SLC6A19: variants seen among roughly 807,000 people sequenced by gnomAD.
The protein encoded by SLC6A19 is solute carrier family 6 member 19, also known as sodium-dependent neutral amino acid transporter B(0)AT1.
A neutral mutation model predicts 68.3 loss-of-function variants in SLC6A19; 67 were observed. The observed-to-expected ratio is 0.98, with a 90% CI of 0.81 to 1.20. SLC6A19 has a LOEUF of 1.20. Among genes scored for constraint, SLC6A19 ranks in the 50% most tolerant of loss-of-function variants. The pLI, the probability that SLC6A19 is intolerant of heterozygous loss-of-function variation, is 0.00. For synonymous variants in SLC6A19, 392 were observed against 374.9 expected (o/e 1.05, Z -0.53); for missense variants, 813 against 851.6 (o/e 0.95, Z 0.56).
At position 1,224,601 on chromosome 5, in the gene SLC6A19, A is replaced by G. The variant is rs542196303; in HGVS notation, c.*2697A>G. On this transcript the variant is annotated 3_prime_UTR_variant, in exon 12 of 12. Coordinates refer to ENST00000304460, the MANE Select transcript of SLC6A19 (RefSeq NM_001003841.3). ...CCTCACACTTCCTCTCACTCAAATAAGAACCTTCCAAAAATGTGTCCACCT... is the reference window on the plus strand; with the variant it reads ...CCTCACACTTCCTCTCACTCAAATAGGAACCTTCCAAAAATGTGTCCACCT... The G allele has an allele frequency of 6.6e-6, 1 of 152,590 alleles. No individual in the cohort carries two copies. The highest frequency in any genetic ancestry group is 1.9e-4 in the East Asian group (1 of 5,190). 9.5% of individuals were successfully genotyped at this position (152,590 alleles called of 1,614,324 possible). A position where few individuals can be genotyped will look rare whatever the true frequency, so the allele number is the denominator to read the frequency against.
At chr5:1,210,156 C>T (rs1745981336) in intron 2 of SLC6A19, among the ~76,000 whole-genome samples, 1 of 152,248 alleles carries the variant, frequency 6.6e-6, no homozygotes, top group South Asian at 2.1e-4. Context: ...CAGGTGAGAC[C>T]CATGCCTGGG....
intron 1 of SLC6A19, among the ~76,000 whole-genome samples, chr5:1,205,148 C>A (rs551264112): frequency 3.9e-5 from 6 of 152,212 alleles, no homozygotes; most frequent in Non-Finnish European, 7.3e-5. Flanking sequence ...TTCCAGGGAC[C>A]TTTGCAACCA....
At chr5:1,203,266 C>A (rs191416497) in intron 1 of SLC6A19, among the ~76,000 whole-genome samples, 1 of 152,212 alleles carries the variant, frequency 6.6e-6, no homozygotes, top group Non-Finnish European at 1.5e-5. Flanking sequence ...GGGCAGGAAT[C>A]TGATGGGGCT....
rs1746110985 is a variant in SLC6A19 at position 1,213,486 on chromosome 5, G to T, written c.687G>T (p.Leu229=). 6.2e-7 allele frequency: 1 copy of T among 1,603,082 alleles called. No individual in the cohort carries two copies. Among genetic ancestry groups the T allele is most frequent in the African/African-American group, 1.4e-5 (1 of 71,470 alleles). The stretch of plus-strand genomic sequence containing the variant: ...AGGCCGTGTACATCACCTCCACGCT[G>T]CCCTATGTCGTCCTGACCATCTTCC... The part of the protein sequence containing the change: ...TGKAVYITST[L]PYVVLTIFLI... The change falls in exon 5 of 12, where the codon CTG becomes CTT. Residue 229 remains leucine, a synonymous_variant. Coordinates refer to ENST00000304460, the MANE Select transcript of SLC6A19 (RefSeq NM_001003841.3).
chr5:1,216,804 C>T lies in SLC6A19; in HGVS notation c.1032C>T (p.Leu344=). The change falls in exon 8 of 12, where the codon CTC becomes CTT. Residue 344 remains leucine, a synonymous_variant. Transcript: ENST00000304460. ...TGACCCGCAGGAACATCCTGACCCT[C>T]ATCAACGGGTTCGACCTGCCTGAAG... ...DDCFSTNILT[L]INGFDLPEGN... The T allele has an allele frequency of 6.2e-7, 1 of 1,613,818 alleles. No homozygotes were observed.
intron 1 of SLC6A19, among the ~76,000 whole-genome samples, chr5:1,203,131 CATCCCCACTGGGGA>C (rs1351029315): frequency 2.1e-5 from 1 of 48,772 alleles, no homozygotes; most frequent in African/African-American, 8.8e-5. Flanking sequence ...CACAGGCTCA[CATCCCCACTGGGGA>C]TGGAGGGGCA....
intron 8 of SLC6A19, among the ~76,000 whole-genome samples, chr5:1,217,166 C>T (rs535427450): frequency 2.6e-5 from 4 of 152,250 alleles, no homozygotes; most frequent in Non-Finnish European, 4.4e-5. Context: ...CTCCTGTTAA[C>T]GCAGAGGCGT....
At chr5:1,211,257 G>A (rs943393171) in intron 3 of SLC6A19, among the ~76,000 whole-genome samples, 15 of 152,368 alleles carry the variant, frequency 9.8e-5, no homozygotes, top group Middle Eastern at 6.8e-3. Context: ...CTCACTGCTC[G>A]CTGGGACTGT....
chr5:1,208,751 T>G lies in SLC6A19; in HGVS notation c.208T>G (p.Phe70Val). ...YLCQSHGGGAFMIPFLILLVL... is the reference protein window; with the variant it reads ...YLCQSHGGGAVMIPFLILLVL... ...GTGGACTCCTCCCATTGCAGGAGCC[T>G]TCATGATCCCGTTCCTCATCCTGCT... Residue 70 changes from phenylalanine (F) to valine (V), a missense_variant, in exon 2 of 12, where the codon TTC becomes GTC. Coordinates refer to ENST00000304460, the MANE Select transcript of SLC6A19 (RefSeq NM_001003841.3). The G allele has an allele frequency of 6.2e-7, 1 of 1,613,402 alleles. No individual in the cohort carries two copies. The highest frequency in any genetic ancestry group is 8.5e-7 in the Non-Finnish European group (1 of 1,179,976).
Position 1,212,539 on chromosome 5 carries a change from C to A in SLC6A19, c.663+55C>A. 3 of 1,593,904 alleles carry A rather than the reference C, an allele frequency of 1.9e-6. No homozygotes were observed. The highest frequency in any genetic ancestry group is 1.7e-6 in the Non-Finnish European group (2 of 1,175,666). On this transcript the variant is annotated intron_variant, in intron 4 of 11. Transcript: ENST00000304460. The surrounding 1 kb of genome is among the most constrained non-coding windows in gnomAD (Gnocchi z 5.1). Reference sequence around the variant, plus strand: ...TGCTCCAGAGGGCGGGTGCGGGCAGCCCTGCCTCCGGCCGGCTGCACTCTA... The same window carrying A: ...TGCTCCAGAGGGCGGGTGCGGGCAGACCTGCCTCCGGCCGGCTGCACTCTA...
chr5:1,215,760 G>A lies in SLC6A19; in HGVS notation c.888-798G>A, dbSNP rs930515575. Among the ~76,000 whole-genome samples, 3 of 152,228 alleles carry A rather than the reference G, an allele frequency of 2.0e-5. No individual in the cohort carries two copies. Among genetic ancestry groups the A allele is most frequent in the Non-Finnish European group, 2.9e-5 (2 of 68,048 alleles). On this transcript the variant is annotated intron_variant, in intron 6 of 11. Coordinates refer to ENST00000304460, the MANE Select transcript of SLC6A19 (RefSeq NM_001003841.3). This position sits in a 1 kb window ranked among gnomAD's most constrained non-coding sequence, Gnocchi z 5.1. ...TTCTGGGTGTGCGCCTAGGAGTGGAGTTGCTGCGTCATGCTGGCCTCTACA... is the reference window on the plus strand; with the variant it reads ...TTCTGGGTGTGCGCCTAGGAGTGGAATTGCTGCGTCATGCTGGCCTCTACA...
At chr5:1,218,876 C>T (rs757947488) in intron 8 of SLC6A19, 27 bp from the exon 9 acceptor site, 5 of 1,608,786 alleles carry the variant, frequency 3.1e-6, no homozygotes. Flanking sequence ...GGGCAGAGGC[C>T]CTGGTGACTG....
In SLC6A19 at chr5:1,216,652, C is replaced by G; in HGVS notation, c.982C>G (p.Arg328Gly). Residue 328 changes from arginine to glycine, a missense_variant, in exon 7 of 12, where the codon CGC (arginine) becomes GGC (glycine). Physicochemically the swap from Arg to Gly is moderately radical, Grantham distance 125. Coordinates refer to ENST00000304460, the MANE Select transcript of SLC6A19 (RefSeq NM_001003841.3). Reference sequence around the variant, plus strand: ...CGTGGTCTACTCCGTCATTGGGTTCCGCGCCACACAGCGCTACGACGACTG... The same window carrying G: ...CGTGGTCTACTCCGTCATTGGGTTCGGCGCCACACAGCGCTACGACGACTG... ...AIVVYSVIGF[R>G]ATQRYDDCFS... 6.2e-7 allele frequency: 1 copy of G among 1,613,958 alleles called. No individual in the cohort carries two copies. Among genetic ancestry groups the G allele is most frequent in the East Asian group, 2.2e-5 (1 of 44,870 alleles).
At position 1,222,034 on chromosome 5, in the gene SLC6A19, T is replaced by C. The variant is rs1247644623; in HGVS notation, c.*130T>C. On this transcript the variant is annotated 3_prime_UTR_variant, in exon 12 of 12. Coordinates refer to ENST00000304460, the MANE Select transcript of SLC6A19 (RefSeq NM_001003841.3). ...GTGTATGCTCGTGTGTGAGTGTGTG[T>C]ATTGTACACGCATGTGCCATGTGTG... 5 of 1,021,602 alleles carry C rather than the reference T, an allele frequency of 4.9e-6. No individual in the cohort carries two copies. The highest frequency in any genetic ancestry group is 7.3e-6 in the Non-Finnish European group (5 of 687,330). The allele number at this position is 1,021,602 out of a possible 1,614,324, so 63.3% of individuals were successfully genotyped here. A position where few individuals can be genotyped will look rare whatever the true frequency, so the allele number is the denominator to read the frequency against.
intron 1 of SLC6A19, among the ~76,000 whole-genome samples, chr5:1,202,792 T>C: frequency 6.6e-6 from 1 of 152,144 alleles, no homozygotes; most frequent in East Asian, 1.9e-4. Context: ...GCGGGCTTTG[T>C]GATGTGAAGG....
At chr5:1,217,152 G>A (rs997402298) in intron 8 of SLC6A19, among the ~76,000 whole-genome samples, 30 of 152,232 alleles carry the variant, frequency 2.0e-4, no homozygotes, top group Non-Finnish European at 2.6e-4. Context: ...TTTCACTTCC[G>A]AGGCTCCTGT....
intron 8 of SLC6A19, among the ~76,000 whole-genome samples, 192 bp downstream of exon 8, chr5:1,217,137 C>T (rs558077341): frequency 2.0e-4 from 30 of 152,344 alleles, no homozygotes; most frequent in African/African-American, 6.3e-4. Flanking sequence ...TGCCAGGCCA[C>T]GAGATTTCAC....
rs766491340 is a variant in SLC6A19, at chr5:1,212,391, G to C, written c.570G>C (p.Ser190=). ...TLNISTSISD[S]GSIQWWMLLC... is the part of the protein sequence containing the mutation. Reference sequence around the variant, plus strand: ...ACATCTCCACGTCCATCAGCGACTCGGGCTCCATCCAGTGGTGGATGCTGC... The same window carrying C: ...ACATCTCCACGTCCATCAGCGACTCCGGCTCCATCCAGTGGTGGATGCTGC... Residue 190 remains serine (S), a synonymous_variant, in exon 4 of 12, where the codon TCG becomes TCC. Coordinates refer to ENST00000304460, the MANE Select transcript of SLC6A19 (RefSeq NM_001003841.3). This position sits in a 1 kb window ranked among gnomAD's most constrained non-coding sequence, Gnocchi z 5.1. 43 of 1,613,122 alleles carry C rather than the reference G, an allele frequency of 2.7e-5. No homozygotes were observed. The highest frequency in any genetic ancestry group is 3.5e-5 in the Non-Finnish European group (41 of 1,179,944).
chr5:1,221,863 A>G lies in SLC6A19; in HGVS notation c.1864A>G (p.Thr622Ala), dbSNP rs1326164189. Reference protein sequence around the residue: ...KPGDHQGLVSTLSTASMNGDL... With the variant: ...KPGDHQGLVSALSTASMNGDL... ...AGGGGACCATCAGGGGCTGGTGAGC[A>G]CACTGTCCACAGCCTCCATGAACGG... is the stretch of plus-strand genomic sequence containing the variant. Residue 622 changes from threonine (T) to alanine (A), a missense_variant, in exon 12 of 12, where the codon ACA becomes GCA. By Grantham distance (58) the Thr-to-Ala change is moderately conservative. Coordinates refer to ENST00000304460, the MANE Select transcript of SLC6A19 (RefSeq NM_001003841.3). 4 of 1,614,090 alleles carry G rather than the reference A, an allele frequency of 2.5e-6. No homozygotes were observed. Among genetic ancestry groups the G allele is most frequent in the Non-Finnish European group, 3.4e-6 (4 of 1,180,056 alleles).
Sources: allele counts gnomAD v4.1 joint callset (sites outside exome capture counted in the v4.1 genomes callset), GRCh38; gene constraint gnomAD v4.1.1; non-coding constraint Gnocchi (gnomAD v3.1); transcripts MANE v1.5; gene names NCBI Gene and HGNC (gene_info 2026-07-23, HGNC 2026-07-21).